NDST4: variants seen among roughly 807,000 people sequenced by gnomAD.
NDST4 encodes N-heparan sulfate sulfotransferase 4.
In NDST4, 63 loss-of-function variants were observed where a neutral mutation model predicts 100.8. The ratio of observed to expected loss-of-function variants is 0.62; its 90% CI spans 0.51 to 0.77. NDST4 has a LOEUF of 0.77. Among genes scored for constraint, NDST4 ranks in the 30% least tolerant of loss-of-function variants. NDST4 has a pLI of 0.00. For synonymous variants in NDST4, 377 were observed against 361.8 expected, an observed-to-expected ratio of 1.04 and a Z score of -0.48; for missense variants, 943 against 1,018.4, an observed-to-expected ratio of 0.93 and a Z score of 1.01.
chr4:114,982,929 C>T (rs917287517), intron 2 of NDST4, among the ~76,000 whole-genome samples: 4 of 152,150 alleles, frequency 2.6e-5, no homozygotes, highest in African/African-American at 4.8e-5. Context: ...ATGGCTAAAA[C>T]GGGTCAAGGT....
In NDST4 at chr4:115,076,880, T is replaced by C. The variant is rs1268751130; in HGVS notation, c.157A>G (p.Thr53Ala). The C allele has an allele frequency of 9.9e-6, 16 of 1,613,734 alleles. No homozygotes were observed. The highest frequency in any genetic ancestry group is 1.2e-5 in the Non-Finnish European group (14 of 1,179,886). ...CTATATGGTAGAATTTTGATGTCAG[T>C]GCATTCTGCTTCTGCAGTGGTTTCA... is the stretch of plus-strand genomic sequence containing the variant. ...LIETTAEAEC[T>A]DIKILPYRSM... Residue 53 changes from threonine (T) to alanine (A), a missense_variant, in exon 2 of 14, where the codon ACT becomes GCT. Physicochemically the swap from Thr to Ala is moderately conservative, Grantham distance 58. Transcript: ENST00000264363.
At chr4:114,989,111 T>C (rs906630396) in intron 2 of NDST4, among the ~76,000 whole-genome samples, 1 of 152,116 alleles carries the variant, frequency 6.6e-6, no homozygotes, top group African/African-American at 2.4e-5. Context: ...ACAAAGTAGG[T>C]GACATAATCT....
intron 2 of NDST4, among the ~76,000 whole-genome samples, chr4:115,055,369 C>T (rs944745755): frequency 2.6e-5 from 4 of 152,100 alleles, no homozygotes; most frequent in Non-Finnish European, 2.9e-5. Flanking sequence ...GGAAAAATTG[C>T]CTTCCATGAA....
At chr4:115,084,877 ACC>A (rs34684234) in intron 1 of NDST4, among the ~76,000 whole-genome samples, 2 of 151,784 alleles carry the variant, frequency 1.3e-5, no homozygotes, top group African/African-American at 2.4e-5. Context: ...GGTTGTAGCC[ACC>A]CCCCCCACAG....
intron 2 of NDST4, among the ~76,000 whole-genome samples, chr4:115,011,585 AATTT>A (rs767705148): frequency 5.9e-5 from 9 of 151,942 alleles, no homozygotes; most frequent in Non-Finnish European, 1.2e-4. Context: ...TTAAGTGAAG[AATTT>A]ATTAGAGAAA....
intron 2 of NDST4, among the ~76,000 whole-genome samples, chr4:115,019,108 C>T (rs1727751830): frequency 6.6e-6 from 1 of 151,990 alleles, no homozygotes; most frequent in African/African-American, 2.4e-5. Flanking sequence ...CTGGATACTA[C>T]ATTAACTGGT....
chr4:115,057,640 A>G (rs1238879566), intron 2 of NDST4, among the ~76,000 whole-genome samples: 2 of 151,994 alleles, frequency 1.3e-5, no homozygotes, highest in African/African-American at 4.8e-5. Context: ...GAGTGATTTT[A>G]TACACGTATC....
At chr4:115,091,985 C>T (rs563348529) in intron 1 of NDST4, among the ~76,000 whole-genome samples, 1 of 151,978 alleles carries the variant, frequency 6.6e-6, no homozygotes, top group Non-Finnish European at 1.5e-5. Context: ...ATGCAAACAT[C>T]GAGATGATTA....
At chr4:115,102,859 C>T (rs904285987) in intron 1 of NDST4, among the ~76,000 whole-genome samples, 8 of 151,828 alleles carry the variant, frequency 5.3e-5, no homozygotes, top group Admixed American at 3.9e-4. Flanking sequence ...TAGGCGCCTG[C>T]CACCACGCCT....
intron 2 of NDST4, among the ~76,000 whole-genome samples, chr4:115,052,392 C>A (rs779487234): frequency 2.6e-5 from 4 of 152,106 alleles, no homozygotes; most frequent in Non-Finnish European, 5.9e-5. Flanking sequence ...GGATAAAGTA[C>A]TCTATTCACC....
chr4:114,989,385 A>G (rs779969084), intron 2 of NDST4, among the ~76,000 whole-genome samples: 15 of 152,298 alleles, frequency 9.8e-5, no homozygotes, highest in Non-Finnish European at 1.0e-4. Flanking sequence ...TAAGTGAACT[A>G]TGTTGCCATG....
At chr4:115,080,312 T>G (rs966269897) in intron 1 of NDST4, among the ~76,000 whole-genome samples, 4 of 152,190 alleles carry the variant, frequency 2.6e-5, no homozygotes, top group African/African-American at 7.2e-5. Context: ...AATTTTTGTA[T>G]TTTTAGTAGA....
chr4:114,843,332 C>G (rs1165780820), intron 10 of NDST4, among the ~76,000 whole-genome samples: 3 of 152,164 alleles, frequency 2.0e-5, no homozygotes, highest in African/African-American at 7.2e-5. Context: ...CCATTCTTTC[C>G]TGTATCTCCG....
intron 2 of NDST4, among the ~76,000 whole-genome samples, chr4:115,034,999 TC>T (rs1461745961): frequency 3.3e-5 from 5 of 152,110 alleles, no homozygotes; most frequent in African/African-American, 1.2e-4. Flanking sequence ...CTCCATCTTC[TC>T]CCCCAATCAA....
chr4:114,939,203 T>C (rs1016194140), intron 4 of NDST4, among the ~76,000 whole-genome samples: 1 of 152,122 alleles, frequency 6.6e-6, no homozygotes, highest in Non-Finnish European at 1.5e-5. Flanking sequence ...CATTGCAAGC[T>C]TGTGGATGCA....
intron 2 of NDST4, among the ~76,000 whole-genome samples, chr4:114,998,968 C>T (rs1353611667): frequency 1.3e-5 from 2 of 151,926 alleles, no homozygotes; most frequent in East Asian, 3.9e-4. Flanking sequence ...TCTTGTTTAT[C>T]TCATATCATA....
At chr4:114,892,244 G>C (rs1412566349) in intron 6 of NDST4, among the ~76,000 whole-genome samples, 1 of 152,036 alleles carries the variant, frequency 6.6e-6, no homozygotes, top group Non-Finnish European at 1.5e-5. Flanking sequence ...TTAAGAGTTG[G>C]TAATACATAC....
At chr4:114,839,670 T>C (rs1194469161) in intron 10 of NDST4, 122 bp from the exon 11 acceptor site, 1 of 656,852 alleles carries the variant, frequency 1.5e-6, no homozygotes, top group African/African-American at 1.8e-5. Context: ...GTGTGTGTCC[T>C]TTATGTCACA....
In NDST4 at chr4:115,087,126, A is replaced by G. The variant is rs546591432; in HGVS notation, c.-246-9844T>C. Among the ~76,000 whole-genome samples the G allele has an allele frequency of 5.3e-5, 8 of 152,154 alleles. No individual in the cohort carries two copies. In the East Asian group the frequency reaches 1.4e-3, roughly 26 times the overall value. ...GCTTAGATCTGCCCCAGGGTTTCTG[A>G]CATTCAGAAAGTTTCCTCAGGACCT... is the stretch of plus-strand genomic sequence containing the variant. On this transcript the variant is annotated intron_variant, in intron 1 of 13. Coordinates refer to ENST00000264363, the MANE Select transcript of NDST4 (RefSeq NM_022569.3).
Sources: gnomAD v4.1 joint callset for allele counts (sites outside exome capture counted in the v4.1 genomes callset) on GRCh38, gnomAD v4.1.1 for gene constraint, MANE v1.5 for transcripts, NCBI Gene and HGNC (gene_info 2026-07-23, HGNC 2026-07-21) for gene names.